Variants in PELI3 observed in about 807,000 individuals in gnomAD.
PELI3 encodes the protein E3 ubiquitin-protein ligase pellino homolog 3.
Under a neutral mutation model 35.5 loss-of-function variants are expected in PELI3, and 19 were observed. The observed-to-expected ratio is 0.54, with a 90% CI of 0.37 to 0.79. PELI3 has a LOEUF of 0.79. PELI3 is among the 30% of genes least tolerant of loss of function. PELI3 has a pLI of 0.00. For synonymous variants in PELI3, 262 were observed against 279.2 expected, an observed-to-expected ratio of 0.94 and a Z score of 0.62; for missense variants, 490 against 661.2, an observed-to-expected ratio of 0.74 and a Z score of 2.84.
At chr11:66,469,727 C>G (rs1409326253) in intron 3 of PELI3, among the ~76,000 whole-genome samples, 1 of 151,686 alleles carries the variant, frequency 6.6e-6, no homozygotes, top group African/African-American at 2.4e-5. Flanking sequence ...ACTGAAAATA[C>G]ACATTGACAG....
Position 66,475,747 on chromosome 11 carries a change from C to G in PELI3, c.990C>G (p.Pro330=). 1 of 1,611,260 alleles carries G rather than the reference C, an allele frequency of 6.2e-7. No individual in the cohort carries two copies. The highest frequency in any genetic ancestry group is 8.5e-7 in the Non-Finnish European group (1 of 1,179,292). Residue 330 remains proline, a synonymous_variant, in exon 8 of 8, where the codon CCC becomes CCG. Transcript: ENST00000320740. ...AQRQEANAAR[P]QCPVGLSTLA... ...GGCAGGAGGCAAATGCAGCGCGGCC[C>G]CAGTGCCCCGTGGGCCTCAGCACTC...
At position 66,475,839 on chromosome 11, in the gene PELI3, G is replaced by A. The variant is rs762029235; in HGVS notation, c.1082G>A (p.Arg361His). ...PDKQQPWVYVRCGHVHGYHGW... is the reference protein window; with the variant it reads ...PDKQQPWVYVHCGHVHGYHGW... ...AAACAGCAGCCCTGGGTCTACGTCC[G>A]CTGCGGGCACGTCCATGGCTACCAC... The change falls in exon 8 of 8, where the codon CGC becomes CAC. Residue 361 changes from arginine to histidine, a missense_variant. Physicochemically the swap from Arg to His is conservative, Grantham distance 29. Around this residue, in one of 3 missense-constraint regions of PELI3, gnomAD observed 349 missense variants for 484.8 expected, o/e 0.72. Transcript: ENST00000320740. The A allele has an allele frequency of 6.8e-6, 11 of 1,606,408 alleles. No individual in the cohort carries two copies. The highest frequency in any genetic ancestry group is 9.3e-6 in the Non-Finnish European group (11 of 1,177,464).
chr11:66,475,986 C>T lies in PELI3; in HGVS notation c.1229C>T (p.Pro410Leu). ...GCCGGCCTCTGCCTGGACCCTGGGC[C>T]GCCTAGCCATGCCTTTGCACCTTGC... ...QEAGLCLDPGPPSHAFAPCGH... is the reference protein window; with the variant it reads ...QEAGLCLDPGLPSHAFAPCGH... Residue 410 changes from proline to leucine, a missense_variant, in exon 8 of 8, where the codon CCG becomes CTG. Transcript: ENST00000320740. The T allele has an allele frequency of 1.9e-6, 3 of 1,612,034 alleles. No homozygotes were observed. The highest frequency in any genetic ancestry group is 2.5e-6 in the Non-Finnish European group (3 of 1,179,810).
At position 66,473,629 on chromosome 11, in the gene PELI3, CCT is replaced by C. The variant is rs1421274758; in HGVS notation, c.652-103_652-102del. Reference sequence around the variant, plus strand: ...CAAGTCATGCAGCTTCAATGCCAGTCCTCTCTGGGCCGCCTCTGAACTTGAAG... The same window carrying C: ...CAAGTCATGCAGCTTCAATGCCAGTCCTCTGGGCCGCCTCTGAACTTGAAG... On this transcript the variant is annotated intron_variant, in intron 6 of 7. Coordinates refer to ENST00000320740, the MANE Select transcript of PELI3 (RefSeq NM_145065.3). This position sits in a 1 kb window ranked among gnomAD's most constrained non-coding sequence, Gnocchi z 5.8. 1.4e-6 allele frequency: 2 copies of C among 1,444,500 alleles called. No homozygotes were observed. The highest frequency in any genetic ancestry group is 9.4e-7 in the Non-Finnish European group (1 of 1,066,398). The allele number at this position is 1,444,500 out of a possible 1,614,324, so 89.5% of individuals were successfully genotyped here.
At chr11:66,471,650 A>G (rs1175029940) in intron 4 of PELI3, among the ~76,000 whole-genome samples, 1 of 151,648 alleles carries the variant, frequency 6.6e-6, no homozygotes, top group Admixed American at 6.6e-5. Context: ...TCCAATGGAA[A>G]TGGAAATGGG....
At chr11:66,471,669 A>C (rs966452963) in intron 4 of PELI3, among the ~76,000 whole-genome samples, 5 of 152,020 alleles carry the variant, frequency 3.3e-5, no homozygotes, top group African/African-American at 1.2e-4. Flanking sequence ...GGTGGAAATG[A>C]GCTGCACCAT....
In PELI3 at chr11:66,476,861, A is replaced by G. The variant is rs1471826276; in HGVS notation, c.*694A>G. 1.3e-5 allele frequency: 2 copies of G among 152,310 alleles called. No individual in the cohort carries two copies. Among genetic ancestry groups the G allele is most frequent in the Non-Finnish European group, 2.9e-5 (2 of 68,094 alleles). 9.4% of individuals were successfully genotyped at this position (152,310 alleles called of 1,614,324 possible). ...TTCATGCGTGCCAGGATCAGAGTAC[A>G]AATCAGGCTGTGGCAGGCCTCACTG... On this transcript the variant is annotated 3_prime_UTR_variant, in exon 8 of 8. Coordinates refer to ENST00000320740, the MANE Select transcript of PELI3 (RefSeq NM_145065.3).
rs986212730 is a variant in PELI3 at position 66,476,630 on chromosome 11, C to T, written c.*463C>T. The stretch of plus-strand genomic sequence containing the variant: ...TGCTCAGCTGCCCCCACAAGTCCCA[C>T]ATGCCCCGCATGCGTGCAATGCCTC... On this transcript the variant is annotated 3_prime_UTR_variant, in exon 8 of 8. Transcript: ENST00000320740. 12 of 183,204 alleles carry T rather than the reference C, an allele frequency of 6.6e-5. No individual in the cohort carries two copies. Among genetic ancestry groups the T allele is most frequent in the Non-Finnish European group, 1.3e-4 (11 of 87,936 alleles). 11.3% of individuals were successfully genotyped at this position (183,204 alleles called of 1,614,324 possible). A position where few individuals can be genotyped will look rare whatever the true frequency, so the allele number is the denominator to read the frequency against.
At position 66,471,593 on chromosome 11, in the gene PELI3, A is replaced by G. The variant is rs559721924; in HGVS notation, c.354+222A>G. ...TGCAAAATGTTGCCTTAACCACTGG[A>G]CCTCTCTGAACCTTGGCTGCCTCTA... On this transcript the variant is annotated intron_variant, in intron 4 of 7. Transcript: ENST00000320740. Among the ~76,000 whole-genome samples the G allele has an allele frequency of 5.9e-5, 9 of 152,014 alleles. No individual in the cohort carries two copies. In the East Asian group the frequency reaches 1.6e-3, roughly 26 times the overall value.
chr11:66,469,795 T>TTTG (rs1565257456), intron 3 of PELI3, among the ~76,000 whole-genome samples: 2 of 143,094 alleles, frequency 1.4e-5, no homozygotes, highest in African/African-American at 5.2e-5. Context: ...GAATCTGTTT[T>TTTG]TTTTTTTTGT....
rs3892817 is a variant in PELI3 at position 66,473,036 on chromosome 11, C to T, written c.457-205C>T. 0.04 allele frequency among the ~76,000 whole-genome samples: 6,160 copies of T among 152,248 alleles called. 398 individuals carry two copies. The highest frequency in any genetic ancestry group is 0.13 in the East Asian group (657 of 5,178). ...GGGGGCAACAGAGAAGGAGAAGCTG[C>T]TCCAGGCCACGGCTTCTTGGACTTG... On this transcript the variant is annotated intron_variant, in intron 5 of 7. Transcript: ENST00000320740. This position sits in a 1 kb window ranked among gnomAD's most constrained non-coding sequence, Gnocchi z 5.8.
chr11:66,472,984 A>T, intron 5 of PELI3, among the ~76,000 whole-genome samples: 1 of 152,206 alleles, frequency 6.6e-6, no homozygotes, highest in Non-Finnish European at 1.5e-5. Context: ...ACTTGTATTT[A>T]TTGAATGGGG....
chr11:66,474,208 C>T (rs1854823827), intron 7 of PELI3: 1 of 619,224 alleles, frequency 1.6e-6, no homozygotes. Flanking sequence ...TCCCAGGTGG[C>T]TTCAAGGCTG....
At chr11:66,468,038 G>T (rs569714685) in intron 1 of PELI3, 90 bp from the exon 2 acceptor site, 3 of 1,463,924 alleles carry the variant, frequency 2.0e-6, no homozygotes, top group Non-Finnish European at 2.7e-6. Context: ...CCTTGCCTTA[G>T]CCTAGGCGGC....
rs775352193 is a variant in PELI3, at chr11:66,475,925, G to A, written c.1168G>A (p.Val390Met). 2.5e-6 allele frequency: 4 copies of A among 1,611,418 alleles called. No individual in the cohort carries two copies. The highest frequency in any genetic ancestry group is 1.7e-5 in the Admixed American group (1 of 59,924). Residue 390 changes from valine to methionine, a missense_variant, in exon 8 of 8, where the codon GTG becomes ATG. This residue lies in a region of PELI3 where 349 missense variants were observed against 484.8 expected (regional missense o/e 0.72). Coordinates refer to ENST00000320740, the MANE Select transcript of PELI3 (RefSeq NM_145065.3). ...QERECPLCRLVGPYVPLWLGQ... is the reference protein window; with the variant it reads ...QERECPLCRLMGPYVPLWLGQ... ...GCGCGAATGTCCTCTCTGCCGCCTT[G>A]TGGGGCCTTATGTGCCTCTATGGCT...
In PELI3 at chr11:66,476,397, G is replaced by A. The variant is rs1045535929; in HGVS notation, c.*230G>A. ...TTCAGCACCAGCTCTGTCCTGGGTC[G>A]ATGGAGGAAAGCCCAGCCCCATGGC... On this transcript the variant is annotated 3_prime_UTR_variant, in exon 8 of 8. Coordinates refer to ENST00000320740, the MANE Select transcript of PELI3 (RefSeq NM_145065.3). 1.2e-5 allele frequency: 7 copies of A among 579,288 alleles called. No individual in the cohort carries two copies. Among genetic ancestry groups the A allele is most frequent in the South Asian group, 4.4e-5 (2 of 45,206 alleles). The allele number at this position is 579,288 out of a possible 1,614,324, so 35.9% of individuals were successfully genotyped here. A position where few individuals can be genotyped will look rare whatever the true frequency, so the allele number is the denominator to read the frequency against.
intron 7 of PELI3, chr11:66,474,508 C>T (rs1194814717): frequency 5.3e-6 from 1 of 187,732 alleles, no homozygotes; most frequent in Non-Finnish European, 1.1e-5. Context: ...TCAAACTGGC[C>T]ATGCACTGCT....
chr11:66,473,682 A>G lies in PELI3; in HGVS notation c.652-55A>G. The G allele has an allele frequency of 1.3e-6, 2 of 1,597,926 alleles. No homozygotes were observed. The highest frequency in any genetic ancestry group is 1.7e-6 in the Non-Finnish European group (2 of 1,175,106). On this transcript the variant is annotated intron_variant, in intron 6 of 7. Transcript: ENST00000320740. This position sits in a 1 kb window ranked among gnomAD's most constrained non-coding sequence, Gnocchi z 5.8. ...GTAGCGGGGGCAGTGCCTCTGGCAC[A>G]TGGCCTGCTGGGGGGCCCCTGGGGG...
In PELI3 at chr11:66,473,998, C is replaced by T. The variant is rs1431961811; in HGVS notation, c.840+73C>T. On this transcript the variant is annotated intron_variant, in intron 7 of 7. Transcript: ENST00000320740. The surrounding 1 kb of genome is among the most constrained non-coding windows in gnomAD (Gnocchi z 5.8). ...CAAGCTGCCCATCCCCCTGCCCAAG[C>T]CAGGAGATGATCTCCAGTCCTTCTG... 3 of 1,567,350 alleles carry T rather than the reference C, an allele frequency of 1.9e-6. No individual in the cohort carries two copies. The highest frequency in any genetic ancestry group is 1.7e-5 in the Admixed American group (1 of 57,372).
Sources: gnomAD v4.1 joint callset for allele counts (sites outside exome capture counted in the v4.1 genomes callset) on GRCh38, gnomAD v4.1.1 for gene constraint, gnomAD v4.1.1 regional missense constraint, Gnocchi (gnomAD v3.1) non-coding constraint, MANE v1.5 for transcripts, NCBI Gene and HGNC (gene_info 2026-07-23, HGNC 2026-07-21) for gene names.